Variants in XPO4 observed in about 807,000 individuals in gnomAD.
XPO4 encodes exportin-4.
XPO4 carries 39 observed loss-of-function variants against 143.0 expected under a neutral mutation model. That is an observed-to-expected ratio of 0.27 (90% confidence interval 0.21 to 0.36). XPO4 has a LOEUF of 0.36. Ranked by LOEUF, XPO4 falls within the 10% of genes least tolerant of loss-of-function variation. The pLI, the probability that XPO4 is intolerant of heterozygous loss-of-function variation, is 1.00. For synonymous variants in XPO4, 439 were observed against 474.0 expected, an observed-to-expected ratio of 0.93 and a Z score of 0.96; for missense variants, 907 against 1,348.0, an observed-to-expected ratio of 0.67 and a Z score of 5.12.
At chr13:20,820,886 T>C (rs1412375375) in intron 9 of XPO4, among the ~76,000 whole-genome samples, 1 of 152,184 alleles carries the variant, frequency 6.6e-6, no homozygotes, top group African/African-American at 2.4e-5. Flanking sequence ...TAACAAAATA[T>C]CTACATTCTT....
Position 20,849,723 on chromosome 13 carries a change from A to C in XPO4, c.457-5837T>G, listed in dbSNP as rs149264136. The C allele has an allele frequency of 2.2e-5, 22 of 984,842 alleles. No homozygotes were observed. The East Asian group carries it at 2.5e-3, about 112-fold the overall frequency. The allele number at this position is 984,842 out of a possible 1,614,324, so 61.0% of individuals were successfully genotyped here. A position where few individuals can be genotyped will look rare whatever the true frequency, so the allele number is the denominator to read the frequency against. ...ACAAATTAGATATAATCTTTCCATA[A>C]AACTATCTGTAGAGAACCAAGTCTT... On this transcript the variant is annotated intron_variant, in intron 4 of 22. Transcript: ENST00000255305.
chr13:20,842,813 G>T, intron 6 of XPO4, 82 bp downstream of exon 6: 1 of 1,235,028 alleles, frequency 8.1e-7, no homozygotes, highest in Non-Finnish European at 1.1e-6. Flanking sequence ...TATGAAAGCT[G>T]CAGAGGTGAA....
chr13:20,832,134 C>A (rs185756504), intron 6 of XPO4, among the ~76,000 whole-genome samples: 2 of 152,276 alleles, frequency 1.3e-5, no homozygotes, highest in East Asian at 3.9e-4. Flanking sequence ...TCTGTAACTG[C>A]ATGGCCAGAG....
intron 2 of XPO4, chr13:20,866,502 T>G (rs1222921449): frequency 1.9e-6 from 1 of 523,718 alleles, no homozygotes; most frequent in African/African-American, 2.0e-5. Context: ...TGACTGCCAC[T>G]TGTATGAGAA....
At chr13:20,831,199 A>G (rs886622560) in intron 6 of XPO4, among the ~76,000 whole-genome samples, 2 of 152,164 alleles carry the variant, frequency 1.3e-5, no homozygotes, top group African/African-American at 4.8e-5. Flanking sequence ...ACCAGAATTC[A>G]GAAATCTAGC....
chr13:20,898,022 G>A (rs2060585598), intron 1 of XPO4, among the ~76,000 whole-genome samples: 1 of 152,136 alleles, frequency 6.6e-6, no homozygotes, highest in African/African-American at 2.4e-5. Flanking sequence ...CAAAGTGCTA[G>A]GATTACAGGT....
chr13:20,787,107 C>T (rs1279556361), intron 21 of XPO4, 50 bp from the exon 22 acceptor site: 1 of 1,414,294 alleles, frequency 7.1e-7, no homozygotes, highest in Non-Finnish European at 9.7e-7. Flanking sequence ...ATCATATATC[C>T]TCCAGTCCCT....
intron 18 of XPO4, among the ~76,000 whole-genome samples, chr13:20,791,550 C>T (rs2059279982): frequency 1.3e-5 from 2 of 152,030 alleles, no homozygotes; most frequent in African/African-American, 2.4e-5. Flanking sequence ...ATTCTAATGA[C>T]AAGGGAAAGG....
At chr13:20,881,942 T>C (rs1263382777) in intron 1 of XPO4, among the ~76,000 whole-genome samples, 1 of 151,490 alleles carries the variant, frequency 6.6e-6, no homozygotes, top group Non-Finnish European at 1.5e-5. Context: ...ACCCCGTCTC[T>C]ACTAAAAATA....
At chr13:20,817,887 C>T (rs902828931) in intron 9 of XPO4, among the ~76,000 whole-genome samples, 3 of 152,200 alleles carry the variant, frequency 2.0e-5, no homozygotes, top group Non-Finnish European at 2.9e-5. Flanking sequence ...CCTCTGCCTC[C>T]CGGGTTCAAG....
chr13:20,889,461 G>A (rs1466250321), intron 1 of XPO4, among the ~76,000 whole-genome samples: 1 of 152,082 alleles, frequency 6.6e-6, no homozygotes. Flanking sequence ...AAACATTTCT[G>A]GTTGCCACAA....
intron 13 of XPO4, among the ~76,000 whole-genome samples, chr13:20,806,476 A>G (rs976968665): frequency 6.7e-6 from 1 of 149,986 alleles, no homozygotes; most frequent in African/African-American, 2.5e-5. Flanking sequence ...TGCAACCTAC[A>G]TTTAAAATAA....
intron 2 of XPO4, among the ~76,000 whole-genome samples, chr13:20,866,558 A>G (rs2060247245): frequency 6.6e-6 from 1 of 152,242 alleles, no homozygotes; most frequent in South Asian, 2.1e-4. Flanking sequence ...GCAACTGAAT[A>G]AGGAGTGAAA....
chr13:20,794,436 C>T (rs1354508281), intron 18 of XPO4, among the ~76,000 whole-genome samples: 1 of 152,186 alleles, frequency 6.6e-6, no homozygotes, highest in African/African-American at 2.4e-5. Flanking sequence ...TAAACATATA[C>T]ATGTTTTAGC....
chr13:20,884,949 GGTTTGTTTTTTTGTTTGTTT>G (rs1170514941), intron 1 of XPO4, among the ~76,000 whole-genome samples: 6 of 151,952 alleles, frequency 3.9e-5, no homozygotes, highest in Non-Finnish European at 5.9e-5. Context: ...AGGTTTTTTT[GGTTTGTTTTTTTGTTTGTTT>G]GTTTGTTTTT....
intron 1 of XPO4, chr13:20,878,977 T>C: frequency 1.0e-5 from 5 of 495,950 alleles, no homozygotes; most frequent in Non-Finnish European, 1.3e-5. Flanking sequence ...ACAAAAATGG[T>C]GGACAAAATT....
intron 2 of XPO4, among the ~76,000 whole-genome samples, chr13:20,863,495 C>A (rs1209048058): frequency 6.6e-6 from 1 of 152,158 alleles, no homozygotes; most frequent in African/African-American, 2.4e-5. Context: ...CTTAGAAAGA[C>A]CCAGCCTTAG....
At chr13:20,842,038 CT>C in intron 6 of XPO4, among the ~76,000 whole-genome samples, 1 of 152,072 alleles carries the variant, frequency 6.6e-6, no homozygotes, top group East Asian at 1.9e-4. Context: ...CTATTAAGAG[CT>C]CAATAAATAG....
intron 16 of XPO4, among the ~76,000 whole-genome samples, chr13:20,798,046 A>C (rs1455312419): frequency 6.6e-6 from 1 of 152,134 alleles, no homozygotes; most frequent in Admixed American, 6.5e-5. Flanking sequence ...TAGGAGGCTG[A>C]GACAGGAGAG....
Sources: gnomAD v4.1 joint callset for allele counts (sites outside exome capture counted in the v4.1 genomes callset) on GRCh38, gnomAD v4.1.1 for gene constraint, MANE v1.5 for transcripts, NCBI Gene and HGNC (gene_info 2026-07-23, HGNC 2026-07-21) for gene names.